Variants in DKK4 observed in about 807,000 individuals in gnomAD.
The protein encoded by DKK4 is dickkopf-related protein 4.
Under a neutral mutation model 14.5 loss-of-function variants are expected in DKK4, and 15 were observed. The ratio of observed to expected loss-of-function variants is 1.03; its 90% CI spans 0.69 to 1.59. The LOEUF is 1.59. Among genes scored for constraint, DKK4 ranks in the 40% most tolerant of loss-of-function variants. The pLI is 0.00. For synonymous variants in DKK4, 89 were observed against 105.2 expected (o/e 0.85, Z 0.94); for missense variants, 272 against 280.3 (o/e 0.97, Z 0.21).
At chr8:42,380,373 G>C (rs959845988), upstream of DKK4, among the ~76,000 whole-genome samples, 5 of 140,462 alleles carry the variant, frequency 3.6e-5, no homozygotes, top group African/African-American at 1.4e-4. Context: ...GAGAAAGAGA[G>C]ACAGAGAAAG....
At chr8:42,381,761 G>A (rs1397482445), upstream of DKK4, among the ~76,000 whole-genome samples, 3 of 152,192 alleles carry the variant, frequency 2.0e-5, no homozygotes, top group Admixed American at 6.5e-5. Context: ...ACTTTGGGAG[G>A]CTGAGGAGGG....
upstream of DKK4, among the ~76,000 whole-genome samples, chr8:42,380,166 C>G (rs1824646126): frequency 2.0e-5 from 3 of 152,090 alleles, no homozygotes; most frequent in South Asian, 6.2e-4. Flanking sequence ...GAACCCATCT[C>G]TACGAAAAAT....
chr8:42,384,441 C>A, the DKK4 span, among the ~76,000 whole-genome samples: 1 of 152,146 alleles, frequency 6.6e-6, no homozygotes, highest in East Asian at 1.9e-4. Context: ...CAGTGCCCAG[C>A]TACATCTGAT....
At chr8:42,380,829 A>G (rs899427331), upstream of DKK4, among the ~76,000 whole-genome samples, 10 of 141,442 alleles carry the variant, frequency 7.1e-5, no homozygotes, top group South Asian at 4.5e-4. Context: ...GGAAGGAAGG[A>G]AGGGAGGAAA....
chr8:42,385,280 T>C, the DKK4 span, among the ~76,000 whole-genome samples: 2 of 151,992 alleles, frequency 1.3e-5, no homozygotes, highest in African/African-American at 2.4e-5. Flanking sequence ...TAGTCCCAGC[T>C]ACTCGGGAGG....
At chr8:42,382,342 C>G in the DKK4 span, among the ~76,000 whole-genome samples, 1 of 152,214 alleles carries the variant, frequency 6.6e-6, no homozygotes, top group African/African-American at 2.4e-5. Context: ...GAGATGCCCC[C>G]CTGTGGCAGC....
chr8:42,387,888 A>G, the DKK4 span, among the ~76,000 whole-genome samples: 12 of 152,184 alleles, frequency 7.9e-5, no homozygotes, highest in Admixed American at 7.2e-4. Flanking sequence ...TGAAATTTCC[A>G]TTAAAAAAAT....
At chr8:42,378,708 C>G (rs1003072372), upstream of DKK4, among the ~76,000 whole-genome samples, 1 of 151,990 alleles carries the variant, frequency 6.6e-6, no homozygotes, top group Non-Finnish European at 1.5e-5. Context: ...TATACACAGG[C>G]GAAAGAACTG....
the DKK4 span, among the ~76,000 whole-genome samples, chr8:42,387,104 T>C: frequency 6.6e-6 from 1 of 152,228 alleles, no homozygotes; most frequent in Non-Finnish European, 1.5e-5. Context: ...CATTGTGCCC[T>C]GGACACGAAA....
At chr8:42,376,225 T>C (rs1196414726) in intron 1 of DKK4, among the ~76,000 whole-genome samples, 1 of 152,190 alleles carries the variant, frequency 6.6e-6, no homozygotes, top group East Asian at 1.9e-4. Flanking sequence ...TATTTGATTT[T>C]TTACTCTAGT....
At position 42,374,926 on chromosome 8, in the gene DKK4, C is replaced by T. The variant is rs764986282; in HGVS notation, c.263-13G>A. ...GTAGTACAAACATCTGAGGGACAAC[C>T]AGGTGTAACTAGAATTATTAACTTC... On this transcript the variant is annotated splice_polypyrimidine_tract_variant and intron_variant, in intron 2 of 3. Transcript: ENST00000220812. 7 of 1,613,916 alleles carry T rather than the reference C, an allele frequency of 4.3e-6. No homozygotes were observed. The highest frequency in any genetic ancestry group is 5.9e-6 in the Non-Finnish European group (7 of 1,179,926).
At chr8:42,388,125 C>G in the DKK4 span, among the ~76,000 whole-genome samples, 1 of 152,156 alleles carries the variant, frequency 6.6e-6, no homozygotes, top group African/African-American at 2.4e-5. Flanking sequence ...CACTTGTACT[C>G]CTCGCCTCAC....
At chr8:42,391,240 A>T in the DKK4 span, among the ~76,000 whole-genome samples, 1 of 151,898 alleles carries the variant, frequency 6.6e-6, no homozygotes, top group Non-Finnish European at 1.5e-5. Flanking sequence ...TGAAATTCCC[A>T]TAAGAGGCTG....
chr8:42,375,901 G>A (rs181513138), intron 1 of DKK4, 71 bp from the exon 2 acceptor site: 4 of 1,558,908 alleles, frequency 2.6e-6, no homozygotes, highest in Admixed American at 1.9e-5. Flanking sequence ...ATTATTGAAG[G>A]CAGGAGGCGG....
chr8:42,386,072 G>T, the DKK4 span, among the ~76,000 whole-genome samples: 1 of 152,162 alleles, frequency 6.6e-6, no homozygotes, highest in South Asian at 2.1e-4. Context: ...CGGATTGGAG[G>T]TATACACTGA....
chr8:42,377,381 G>A (rs1824585473), upstream of DKK4: 1 of 245,182 alleles, frequency 4.1e-6, no homozygotes, highest in Admixed American at 5.2e-5. Flanking sequence ...GAGAGAAGAG[G>A]CAGGGCCATG....
Position 42,374,917 on chromosome 8 carries a change from A to C in DKK4, c.263-4T>G, listed in dbSNP as rs752251698. Reference sequence around the variant, plus strand: ...TCTTCCATCGTAGTACAAACATCTGAGGGACAACCAGGTGTAACTAGAATT... The same window carrying C: ...TCTTCCATCGTAGTACAAACATCTGCGGGACAACCAGGTGTAACTAGAATT... On this transcript the variant is annotated splice_region_variant and splice_polypyrimidine_tract_variant and intron_variant, in intron 2 of 3. Transcript: ENST00000220812. The C allele has an allele frequency of 1.9e-6, 3 of 1,614,110 alleles. No individual in the cohort carries two copies. In the South Asian group the frequency reaches 3.3e-5, roughly 18 times the overall value.
chr8:42,375,620 T>C, intron 2 of DKK4, 60 bp downstream of exon 2: 2 of 1,599,660 alleles, frequency 1.3e-6, no homozygotes, highest in Non-Finnish European at 1.7e-6. Flanking sequence ...AATATTCTAG[T>C]CTATGGGGCT....
upstream of DKK4, among the ~76,000 whole-genome samples, chr8:42,380,203 C>G (rs867902986): frequency 6.6e-6 from 1 of 151,938 alleles, no homozygotes; most frequent in Non-Finnish European, 1.5e-5. Flanking sequence ...TGTGGTGGCA[C>G]GTGTCTGCAG....
Sources: allele counts gnomAD v4.1 joint callset (sites outside exome capture counted in the v4.1 genomes callset), GRCh38; gene constraint gnomAD v4.1.1; transcripts MANE v1.5; gene names NCBI Gene and HGNC (gene_info 2026-07-23, HGNC 2026-07-21).